The following INTS10 variants were observed in gnomAD, a reference collection of about 807,000 sequenced individuals.
INTS10 encodes the protein chromosome 8 open reading frame 35.
INTS10 carries 44 observed loss-of-function variants against 94.4 expected under a neutral mutation model. That is an observed-to-expected ratio of 0.47 (90% CI 0.37 to 0.60). INTS10 has a LOEUF of 0.60. INTS10 is among the 20% of genes least tolerant of loss of function. The pLI is 0.00. For synonymous variants in INTS10, 341 were observed against 320.7 expected (o/e 1.06, Z -0.68); for missense variants, 797 against 868.7 (o/e 0.92, Z 1.04).
Position 19,851,801 on chromosome 8 carries a change from C to T in INTS10, c.2129C>T (p.Thr710Ile), listed in dbSNP as rs1235290978. Reference sequence around the variant, plus strand: ...AAGATCTTGCTCCTTCAGACTCTGACCTGAGTGGAGACCTTTCCACCAGAC... The same window carrying T: ...AAGATCTTGCTCCTTCAGACTCTGATCTGAGTGGAGACCTTTCCACCAGAC... The part of the protein sequence containing the change: ...NEKILLLQTL[T>I] The change falls in exon 17 of 17, where the codon ACC becomes ATC. Residue 710 changes from threonine (T) to isoleucine (I), a missense_variant. Around this residue, in one of 3 missense-constraint regions of INTS10, gnomAD observed 47 missense variants for 41.8 expected, o/e 1.12. Transcript: ENST00000397977. The surrounding 1 kb of genome is among the most constrained non-coding windows in gnomAD (Gnocchi z 5.0). 1 of 1,613,978 alleles carries T rather than the reference C, an allele frequency of 6.2e-7. No individual in the cohort carries two copies. The highest frequency in any genetic ancestry group is 1.7e-5 in the Admixed American group (1 of 60,022).
chr8:19,851,537 T>C lies in INTS10; in HGVS notation c.1977-112T>C. ...CTATTCTTGTGTTCTTTTTAAAATA[T>C]CTGAAATTATACTTAGATATGGGGC... On this transcript the variant is annotated intron_variant, in intron 16 of 16. Transcript: ENST00000397977. The surrounding 1 kb of genome is among the most constrained non-coding windows in gnomAD (Gnocchi z 5.0). 1.1e-6 allele frequency: 1 copy of C among 941,518 alleles called. No homozygotes were observed. Among genetic ancestry groups the C allele is most frequent in the Admixed American group, 2.2e-5 (1 of 45,604 alleles). The allele number at this position is 941,518 out of a possible 1,614,324, so 58.3% of individuals were successfully genotyped here.
At chr8:19,836,533 G>T (rs11985584) in intron 12 of INTS10, among the ~76,000 whole-genome samples, 9 of 152,144 alleles carry the variant, frequency 5.9e-5, no homozygotes, top group African/African-American at 2.2e-4. Context: ...CCTGAAAGGC[G>T]TCTTTTCTGC....
chr8:19,818,502 C>T (rs1159544055), intron 2 of INTS10, 160 bp downstream of exon 2: 9 of 641,146 alleles, frequency 1.4e-5, no homozygotes, highest in Non-Finnish European at 2.2e-5. Flanking sequence ...CCATAAATTG[C>T]TGACATGGCT....
chr8:19,841,792 T>C (rs1265931862), intron 13 of INTS10: 2 of 455,868 alleles, frequency 4.4e-6, no homozygotes, highest in South Asian at 3.1e-5. Context: ...ATACCTTAGA[T>C]GAGTGTTTTT....
At chr8:19,831,271 T>A (rs965154933) in intron 10 of INTS10, among the ~76,000 whole-genome samples, 4 of 152,220 alleles carry the variant, frequency 2.6e-5, no homozygotes, top group African/African-American at 7.2e-5. Flanking sequence ...TTGTTACATT[T>A]GGGATTGTGA....
chr8:19,823,735 G>T, intron 6 of INTS10, 138 bp from the exon 7 acceptor site: 1 of 740,982 alleles, frequency 1.3e-6, no homozygotes, highest in East Asian at 2.7e-5. Context: ...GCCTCTTGTC[G>T]GTCCTTGAGC....
intron 8 of INTS10, among the ~76,000 whole-genome samples, chr8:19,825,909 A>G (rs1305013726): frequency 1.3e-5 from 2 of 152,202 alleles, no homozygotes; most frequent in South Asian, 4.1e-4. Context: ...GTGACAGGGA[A>G]TCTTTAACAA....
intron 13 of INTS10, chr8:19,841,898 C>T (rs1442509556): frequency 2.2e-6 from 1 of 453,742 alleles, no homozygotes; most frequent in South Asian, 1.6e-5. Context: ...GACGACATCT[C>T]AGACAAGAAG....
chr8:19,824,959 A>G lies in INTS10; in HGVS notation c.993A>G (p.Pro331=), dbSNP rs372194893. The G allele has an allele frequency of 3.0e-5, 49 of 1,613,686 alleles. No individual in the cohort carries two copies. Among genetic ancestry groups the G allele is most frequent in the Middle Eastern group, 1.6e-4 (1 of 6,082 alleles). The part of the protein sequence containing the change: ...NAFQYVNSIQ[P]SLFQGPNAPS... ...TCCAGTATGTCAACAGCATACAGCCATCTCTCTTCCAAGGTTGGTTTACAA... is the reference window on the plus strand; with the variant it reads ...TCCAGTATGTCAACAGCATACAGCCGTCTCTCTTCCAAGGTTGGTTTACAA... The change falls in exon 8 of 17, where the codon CCA becomes CCG. Residue 331 remains proline (P), a synonymous_variant. Transcript: ENST00000397977.
intron 2 of INTS10, 112 bp from the exon 3 acceptor site, chr8:19,819,461 C>A: frequency 1.4e-6 from 1 of 696,166 alleles, no homozygotes; most frequent in Non-Finnish European, 2.3e-6. Flanking sequence ...TTTGGCACGT[C>A]TAAGCATTCA....
chr8:19,850,486 A>G (rs1028991260), intron 16 of INTS10, among the ~76,000 whole-genome samples: 40 of 150,814 alleles, frequency 2.7e-4, no homozygotes, highest in African/African-American at 9.5e-4. Flanking sequence ...ACAAAGCTGG[A>G]TTTTTTTTTT....
rs1283143823 is a variant in INTS10 at position 19,849,641 on chromosome 8, T to A, written c.1977-2008T>A. 6.6e-6 allele frequency among the ~76,000 whole-genome samples: 1 copy of A among 152,210 alleles called. No homozygotes were observed. The highest frequency in any genetic ancestry group is 2.4e-5 in the African/African-American group (1 of 41,460). ...GGATACTCATATGAGTGACCAGTCA[T>A]TATGGTCATATTAGCAATTAGTTGC... is the stretch of plus-strand genomic sequence containing the variant. On this transcript the variant is annotated intron_variant, in intron 16 of 16. Coordinates refer to ENST00000397977, the MANE Select transcript of INTS10 (RefSeq NM_018142.4). The surrounding 1 kb of genome is among the most constrained non-coding windows in gnomAD (Gnocchi z 4.6).
chr8:19,839,083 C>T (rs2067910992), intron 13 of INTS10, among the ~76,000 whole-genome samples: 1 of 151,424 alleles, frequency 6.6e-6, no homozygotes, highest in Non-Finnish European at 1.5e-5. Flanking sequence ...AAAAAAAAAC[C>T]AAACAAACAA....
At chr8:19,825,072 CTG>C (rs1234999590) in intron 8 of INTS10, 100 bp downstream of exon 8, 4 of 1,017,094 alleles carry the variant, frequency 3.9e-6, no homozygotes, top group Admixed American at 4.2e-5. Context: ...ATCCGAATAA[CTG>C]TGGGGCAGTA....
intron 12 of INTS10, among the ~76,000 whole-genome samples, chr8:19,836,334 G>T (rs2067660900): frequency 6.6e-6 from 1 of 152,124 alleles, no homozygotes; most frequent in South Asian, 2.1e-4. Flanking sequence ...AGGAGAATTT[G>T]AGTAGATAGA....
Position 19,825,895 on chromosome 8 carries a change from A to T in INTS10, c.1007-531A>T, listed in dbSNP as rs564133373. Among the ~76,000 whole-genome samples, 26 of 152,304 alleles carry T rather than the reference A, an allele frequency of 1.7e-4. 1 individual carries two copies. The South Asian group carries it at 5.4e-3, about 32-fold the overall frequency. On this transcript the variant is annotated intron_variant, in intron 8 of 16. Transcript: ENST00000397977. ...AAGAAGGAACCGTCACTTGTATTCT[A>T]TTAGTGACAGGGAATCTTTAACAAT... is the stretch of plus-strand genomic sequence containing the variant.
intron 3 of INTS10, among the ~76,000 whole-genome samples, chr8:19,820,071 G>T (rs2066249329): frequency 6.6e-6 from 1 of 152,202 alleles, no homozygotes; most frequent in South Asian, 2.1e-4. Context: ...TAGATGCATA[G>T]GTCATTTGAA....
At chr8:19,838,928 C>G (rs1251308582) in intron 13 of INTS10, among the ~76,000 whole-genome samples, 1 of 151,968 alleles carries the variant, frequency 6.6e-6, no homozygotes, top group Non-Finnish European at 1.5e-5. Flanking sequence ...AAAAATTAGC[C>G]AGGCCTGGTG....
intron 9 of INTS10, 26 bp from the exon 10 acceptor site, chr8:19,830,380 C>A: frequency 1.3e-6 from 2 of 1,596,958 alleles, no homozygotes; most frequent in Non-Finnish European, 1.7e-6. Flanking sequence ...ACTGAATTAA[C>A]CATGTTCTCC....
Sources: allele counts gnomAD v4.1 joint callset (sites outside exome capture counted in the v4.1 genomes callset), GRCh38; gene constraint gnomAD v4.1.1; regional missense constraint gnomAD v4.1.1; non-coding constraint Gnocchi (gnomAD v3.1); transcripts MANE v1.5; gene names NCBI Gene and HGNC (gene_info 2026-07-23, HGNC 2026-07-21).